Variants in CLVS2 observed in about 807,000 individuals in gnomAD.
CLVS2 encodes clavesin-2.
CLVS2 carries 19 observed loss-of-function variants against 29.0 expected under a neutral mutation model. The ratio of observed to expected loss-of-function variants is 0.66; its 90% CI spans 0.46 to 0.96. CLVS2 has a LOEUF of 0.96. Ranked by LOEUF, CLVS2 falls within the 40% of genes least tolerant of loss-of-function variation. CLVS2 has a pLI of 0.00. For missense variants in CLVS2, 294 were observed against 404.1 expected, an observed-to-expected ratio of 0.73 and a Z score of 2.34; for synonymous variants, 161 against 151.3, an observed-to-expected ratio of 1.06 and a Z score of -0.47.
At chr6:123,035,119 G>A (rs1244462301) in intron 3 of CLVS2, among the ~76,000 whole-genome samples, 1 of 152,106 alleles carries the variant, frequency 6.6e-6, no homozygotes, top group Non-Finnish European at 1.5e-5. Context: ...AAAAGAAGTA[G>A]GGTATTTTGT....
intron 3 of CLVS2, among the ~76,000 whole-genome samples, chr6:123,043,516 A>T (rs1034935921): frequency 1.3e-5 from 2 of 152,156 alleles, no homozygotes; most frequent in East Asian, 3.9e-4. Context: ...AAAAAAGTAC[A>T]AGAAAGTGAT....
chr6:123,010,060 TA>T (rs1297911653), intron 2 of CLVS2, among the ~76,000 whole-genome samples: 1 of 152,076 alleles, frequency 6.6e-6, no homozygotes, highest in Non-Finnish European at 1.5e-5. Flanking sequence ...GCATTATTGA[TA>T]TTGATTAAAA....
At chr6:123,043,823 T>C (rs1775269064) in intron 3 of CLVS2, among the ~76,000 whole-genome samples, 2 of 152,244 alleles carry the variant, frequency 1.3e-5, no homozygotes, top group Non-Finnish European at 2.9e-5. Flanking sequence ...CACATCATTT[T>C]TGTGTTTCAT....
intron 3 of CLVS2, among the ~76,000 whole-genome samples, chr6:123,015,536 A>G (rs917614232): frequency 2.0e-5 from 3 of 152,092 alleles, no homozygotes; most frequent in African/African-American, 4.8e-5. Context: ...AATGTCTTTC[A>G]TGAATCTTGT....
At chr6:123,061,638 C>T (rs988943104) in intron 5 of CLVS2, among the ~76,000 whole-genome samples, 1 of 152,132 alleles carries the variant, frequency 6.6e-6, no homozygotes, top group African/African-American at 2.4e-5. Flanking sequence ...AACTTAATCC[C>T]AGCTTGAATA....
chr6:123,022,515 C>A (rs936551908), intron 3 of CLVS2, among the ~76,000 whole-genome samples: 4 of 151,942 alleles, frequency 2.6e-5, no homozygotes, highest in Admixed American at 6.6e-5. Context: ...ATAAATTATT[C>A]TTTTTCTATA....
At chr6:123,056,180 C>G (rs1402958662) in intron 5 of CLVS2, among the ~76,000 whole-genome samples, 154 bp downstream of exon 5, 1 of 152,070 alleles carries the variant, frequency 6.6e-6, no homozygotes, top group Non-Finnish European at 1.5e-5. Context: ...AGTTTTGAGT[C>G]AAAGATAAAG....
intron 3 of CLVS2, among the ~76,000 whole-genome samples, chr6:123,047,641 T>C (rs1772537269): frequency 6.6e-6 from 1 of 152,206 alleles, no homozygotes; most frequent in Admixed American, 6.5e-5. Flanking sequence ...AATACAATTA[T>C]TTTAGTTCCT....
At chr6:123,003,406 T>C (rs919808534) in intron 2 of CLVS2, among the ~76,000 whole-genome samples, 1 of 152,206 alleles carries the variant, frequency 6.6e-6, no homozygotes, top group African/African-American at 2.4e-5. Context: ...TCCTCCTTTC[T>C]GTGGGAAATG....
chr6:123,059,734 T>C (rs994666191), intron 5 of CLVS2, among the ~76,000 whole-genome samples: 7 of 152,216 alleles, frequency 4.6e-5, no homozygotes, highest in African/African-American at 1.4e-4. Flanking sequence ...CCTCCTATTG[T>C]TTAGGTTTGT....
At chr6:123,012,206 A>T (rs1450391242) in intron 3 of CLVS2, among the ~76,000 whole-genome samples, 1 of 152,004 alleles carries the variant, frequency 6.6e-6, no homozygotes, top group African/African-American at 2.4e-5. Flanking sequence ...AAAAACCTCC[A>T]CAGGGACAGT....
At chr6:123,055,760 GT>G in intron 4 of CLVS2, 45 bp from the exon 5 acceptor site, 1 of 1,377,598 alleles carries the variant, frequency 7.3e-7, no homozygotes. Context: ...ATGGTATTTA[GT>G]TTCCTCTGTG....
At chr6:123,050,488 A>T (rs1772591741) in intron 4 of CLVS2, among the ~76,000 whole-genome samples, 1 of 152,230 alleles carries the variant, frequency 6.6e-6, no homozygotes, top group South Asian at 2.1e-4. Flanking sequence ...CACAGCTAGC[A>T]GATCGTAGAG....
Position 123,000,546 on chromosome 6 carries a change from C to T in CLVS2, c.389+2380C>T, listed in dbSNP as rs566841437. On this transcript the variant is annotated intron_variant, in intron 2 of 5. Transcript: ENST00000275162. ...ACACTTCTTAGCCTGAGTCCCTTTC[C>T]TCTACCCCGAAGGCTCCTTGACTCC... Among the ~76,000 whole-genome samples the T allele has an allele frequency of 8.5e-5, 13 of 152,186 alleles. No homozygotes were observed. In the South Asian group the frequency reaches 2.7e-3, roughly 32 times the overall value.
At chr6:123,027,995 C>T (rs1013110800) in intron 3 of CLVS2, among the ~76,000 whole-genome samples, 4 of 152,098 alleles carry the variant, frequency 2.6e-5, no homozygotes, top group Non-Finnish European at 5.9e-5. Flanking sequence ...CATTTATTTT[C>T]TTCTAAAATC....
intron 4 of CLVS2, among the ~76,000 whole-genome samples, chr6:123,053,382 A>G: frequency 6.6e-6 from 1 of 152,130 alleles, no homozygotes; most frequent in South Asian, 2.1e-4. Flanking sequence ...ATATTAGGGC[A>G]ATCAGCAAAA....
At chr6:123,052,736 T>TC (rs1554203313) in intron 4 of CLVS2, among the ~76,000 whole-genome samples, 1 of 150,950 alleles carries the variant, frequency 6.6e-6, no homozygotes, top group Non-Finnish European at 1.5e-5. Context: ...AGTGGAAGAA[T>TC]AGTGACACCA....
Position 123,072,341 on chromosome 6 carries a change from A to C in CLVS2, c.*8580A>C, listed in dbSNP as rs1306697955. The C allele has an allele frequency of 6.6e-6, 1 of 152,040 alleles. No individual in the cohort carries two copies. The highest frequency in any genetic ancestry group is 1.5e-5 in the Non-Finnish European group (1 of 67,946). The allele number at this position is 152,040 out of a possible 1,614,324, so 9.4% of individuals were successfully genotyped here. ...TTAACCAGTCTTTTAGTGGCTTTGT[A>C]ATGGGTAGGGGTTTTATTCCTCTTT... On this transcript the variant is annotated 3_prime_UTR_variant, in exon 6 of 6. Transcript: ENST00000275162.
chr6:123,055,082 CA>C (rs1349940149), intron 4 of CLVS2, among the ~76,000 whole-genome samples: 1 of 151,946 alleles, frequency 6.6e-6, no homozygotes, highest in Non-Finnish European at 1.5e-5. Flanking sequence ...TAATCATAGA[CA>C]AAATGATTAA....
Sources: allele counts gnomAD v4.1 joint callset (sites outside exome capture counted in the v4.1 genomes callset), GRCh38; gene constraint gnomAD v4.1.1; transcripts MANE v1.5; gene names NCBI Gene and HGNC (gene_info 2026-07-23, HGNC 2026-07-21).